The following R3HDM2 variants were observed in gnomAD, a reference collection of about 807,000 sequenced individuals.
The protein encoded by R3HDM2 is R3H domain containing 2.
R3HDM2 carries 38 observed loss-of-function variants against 124.5 expected under a neutral mutation model. The observed-to-expected ratio is 0.31, with a 90% CI of 0.24 to 0.40. The LOEUF is 0.40. R3HDM2 is among the 10% of genes least tolerant of loss of function. The probability of loss-of-function intolerance (pLI) is 1.00; values close to 1 mark genes in which losing one functional copy is unlikely to be tolerated. For missense variants in R3HDM2, 869 were observed against 1,236.9 expected (o/e 0.70, Z 4.46); for synonymous variants, 391 against 448.0 (o/e 0.87, Z 1.61).
In R3HDM2 at chr12:57,424,281, C is replaced by CTTCT. The variant is rs1462844141; in HGVS notation, c.-106+6438_-106+6439insAGAA. On this transcript the variant is annotated intron_variant, in intron 1 of 23. Coordinates refer to ENST00000402412, the MANE Select transcript of R3HDM2 (RefSeq NM_001394031.1). The stretch of plus-strand genomic sequence containing the variant: ...CAAGCAATTCTCGTGCCTCAGCCTC[C>CTTCT]CGAGTAGCTGGGATTACAGGCATGT... Among the ~76,000 whole-genome samples, 3 of 151,832 alleles carry CTTCT rather than the reference C, an allele frequency of 2.0e-5. No homozygotes were observed. The East Asian group carries it at 5.8e-4, about 30-fold the overall frequency.
At chr12:57,413,221 A>G (rs2069172588) in intron 1 of R3HDM2, among the ~76,000 whole-genome samples, 1 of 152,082 alleles carries the variant, frequency 6.6e-6, no homozygotes. Flanking sequence ...AAGCAATACA[A>G]TGCCAATCTT....
intron 1 of R3HDM2, among the ~76,000 whole-genome samples, chr12:57,420,398 C>T (rs556682315): frequency 2.6e-4 from 40 of 152,192 alleles, no homozygotes; most frequent in African/African-American, 9.1e-4. Flanking sequence ...ACCTGACTGT[C>T]AAATCCAGTG....
At chr12:57,392,390 T>C (rs2066828960) in intron 2 of R3HDM2, among the ~76,000 whole-genome samples, 1 of 152,182 alleles carries the variant, frequency 6.6e-6, no homozygotes, top group Non-Finnish European at 1.5e-5. Flanking sequence ...CTATACAACC[T>C]AGATCACTCA....
chr12:57,260,883 G>T (rs2040628264), intron 19 of R3HDM2, among the ~76,000 whole-genome samples: 1 of 152,118 alleles, frequency 6.6e-6, no homozygotes, highest in Non-Finnish European at 1.5e-5. Flanking sequence ...GAAAGGAAAA[G>T]AAATGGTGGG....
At chr12:57,421,720 G>A (rs990458206) in intron 1 of R3HDM2, among the ~76,000 whole-genome samples, 1 of 150,812 alleles carries the variant, frequency 6.6e-6, no homozygotes, top group African/African-American at 2.4e-5. Flanking sequence ...AGTTGCCCCA[G>A]GCTAGTCTCG....
chr12:57,270,163 C>T (rs1049829842), intron 14 of R3HDM2, among the ~76,000 whole-genome samples, 169 bp from the exon 15 acceptor site: 4 of 152,190 alleles, frequency 2.6e-5, no homozygotes, highest in Non-Finnish European at 4.4e-5. Flanking sequence ...TGAAGTCCAA[C>T]TCCAGAGCCA....
intron 2 of R3HDM2, among the ~76,000 whole-genome samples, chr12:57,320,261 C>CAAAAAAAAA (rs56207989): frequency 0.02 from 282 of 14,288 alleles, 87 homozygotes; most frequent in East Asian, 0.051. Context: ...AACTCTATCT[C>CAAAAAAAAA]AAAAAAAAAA....
At chr12:57,313,701 G>C (rs1477593958) in intron 2 of R3HDM2, among the ~76,000 whole-genome samples, 1 of 151,328 alleles carries the variant, frequency 6.6e-6, no homozygotes, top group Non-Finnish European at 1.5e-5. Context: ...GTGACATAGT[G>C]AGACCTCCTC....
chr12:57,420,443 T>C (rs2070078479), intron 1 of R3HDM2, among the ~76,000 whole-genome samples: 1 of 152,086 alleles, frequency 6.6e-6, no homozygotes, highest in South Asian at 2.1e-4. Flanking sequence ...TTGGTCTTTC[T>C]ACCACCTGTG....
intron 1 of R3HDM2, among the ~76,000 whole-genome samples, chr12:57,399,934 G>A (rs1264383071): frequency 3.3e-5 from 5 of 152,134 alleles, no homozygotes; most frequent in African/African-American, 1.2e-4. Flanking sequence ...TAGGACTTCC[G>A]CTGATTCATC....
At chr12:57,416,743 G>A (rs2069648095) in intron 1 of R3HDM2, among the ~76,000 whole-genome samples, 1 of 152,064 alleles carries the variant, frequency 6.6e-6, no homozygotes, top group Non-Finnish European at 1.5e-5. Flanking sequence ...GAGAGGCGGA[G>A]GTTGCAGTGA....
chr12:57,344,155 G>A (rs1033149229), intron 2 of R3HDM2, among the ~76,000 whole-genome samples: 6 of 152,106 alleles, frequency 3.9e-5, no homozygotes, highest in Non-Finnish European at 5.9e-5. Context: ...AATTCAGTAC[G>A]TATCTCCTAA....
chr12:57,430,489 G>GCCCCCCCCCCCCCCCCCCC, intron 1 of R3HDM2: 3 of 790,578 alleles, frequency 3.8e-6, no homozygotes, highest in Non-Finnish European at 4.6e-6. Flanking sequence ...CCACCCCCCT[G>GCCCCCCCCCCCCCCCCCCC]CCCCCGCACC....
rs201843316 is a variant in R3HDM2, at chr12:57,283,890, T to A, written c.1105A>T (p.Ile369Phe). The part of the protein sequence containing the change: ...TKASSFSGIS[I>F]LTRGDSIGSS... ...CCGATGCTGTCACCTCGGGTAAGGA[T>A]AGAGATTCCACTGAAGCTGCTAGCT... The change falls in exon 13 of 24, where the codon ATC becomes TTC. Residue 369 changes from isoleucine (I) to phenylalanine (F), a missense_variant. Ile to Phe is a conservative substitution (Grantham distance 21). Coordinates refer to ENST00000402412, the MANE Select transcript of R3HDM2 (RefSeq NM_001394031.1). The A allele has an allele frequency of 3.1e-6, 5 of 1,613,994 alleles. No homozygotes were observed. Among genetic ancestry groups the A allele is most frequent in the African/African-American group, 1.3e-5 (1 of 74,920 alleles).
In R3HDM2 at chr12:57,398,645, T is replaced by C. The variant is rs1484920989; in HGVS notation, c.-105-2827A>G. Among the ~76,000 whole-genome samples the C allele has an allele frequency of 2.6e-5, 4 of 152,082 alleles. No homozygotes were observed. In the East Asian group the frequency reaches 7.7e-4, roughly 29 times the overall value. ...GTGGGATTACAGGTGCCCGCCACCATGCCCGGCTAATTTTTGTATTTTTAG... is the reference window on the plus strand; with the variant it reads ...GTGGGATTACAGGTGCCCGCCACCACGCCCGGCTAATTTTTGTATTTTTAG... On this transcript the variant is annotated intron_variant, in intron 1 of 23. Coordinates refer to ENST00000402412, the MANE Select transcript of R3HDM2 (RefSeq NM_001394031.1).
intron 2 of R3HDM2, among the ~76,000 whole-genome samples, chr12:57,348,263 T>C (rs1043895873): frequency 6.6e-6 from 1 of 151,756 alleles, no homozygotes; most frequent in Non-Finnish European, 1.5e-5. Flanking sequence ...GTCTCCCTTG[T>C]CTCTATTAAG....
At chr12:57,310,740 G>A (rs187155643) in intron 2 of R3HDM2, among the ~76,000 whole-genome samples, 3 of 152,182 alleles carry the variant, frequency 2.0e-5, no homozygotes, top group African/African-American at 7.2e-5. Context: ...AACAGTGAGC[G>A]CATTCACCAT....
rs759863968 is a variant in R3HDM2, at chr12:57,266,829, G to T, written c.2033C>A (p.Pro678His). ...AGGGGGTTGCAGAAACCCTACAGAA[G>T]GGCTGGGAAGACAGAGAAGAGAGGA... is the stretch of plus-strand genomic sequence containing the variant. ...IPPAQQNGTS[P>H]SVGFLQPPGS... is the part of the protein sequence containing the mutation. Residue 678 changes from proline (P) to histidine (H), a missense_variant and splice_region_variant, in exon 19 of 24, where the codon CCT (proline) becomes CAT (histidine). Pro to His is a moderately conservative substitution (Grantham distance 77). Coordinates refer to ENST00000402412, the MANE Select transcript of R3HDM2 (RefSeq NM_001394031.1). 2 of 1,589,324 alleles carry T rather than the reference G, an allele frequency of 1.3e-6. No individual in the cohort carries two copies. The highest frequency in any genetic ancestry group is 2.2e-5 in the South Asian group (2 of 90,058).
intron 2 of R3HDM2, among the ~76,000 whole-genome samples, chr12:57,372,470 C>T (rs2063500846): frequency 6.6e-6 from 1 of 152,130 alleles, no homozygotes; most frequent in African/African-American, 2.4e-5. Flanking sequence ...AATTCCCAAG[C>T]TCTTTGCAAT....
Sources: allele counts gnomAD v4.1 joint callset (sites outside exome capture counted in the v4.1 genomes callset), GRCh38; gene constraint gnomAD v4.1.1; transcripts MANE v1.5; gene names NCBI Gene and HGNC (gene_info 2026-07-23, HGNC 2026-07-21).